Variants in LDB3 observed in about 807,000 individuals in gnomAD.
The protein encoded by LDB3 is LIM domain-binding protein 3.
A neutral mutation model predicts 69.0 loss-of-function variants in LDB3; 49 were observed. That is an observed-to-expected ratio of 0.71 (90% confidence interval 0.56 to 0.90). The LOEUF is 0.90. LDB3 is among the 40% of genes least tolerant of loss of function. The probability of loss-of-function intolerance (pLI) is 0.00; values close to 1 mark genes in which losing one functional copy is unlikely to be tolerated. For synonymous variants in LDB3, 387 were observed against 396.2 expected, an observed-to-expected ratio of 0.98 and a Z score of 0.28; for missense variants, 928 against 974.1, an observed-to-expected ratio of 0.95 and a Z score of 0.63.
intron 12 of LDB3, among the ~76,000 whole-genome samples, chr10:86,725,166 T>C (rs1423767736): frequency 6.6e-6 from 1 of 152,210 alleles, no homozygotes; most frequent in East Asian, 1.9e-4. Flanking sequence ...ATGGAGCTTT[T>C]CTAGAATAAT....
At chr10:86,706,984 A>G (rs1846469948) in intron 8 of LDB3, among the ~76,000 whole-genome samples, 1 of 152,184 alleles carries the variant, frequency 6.6e-6, no homozygotes, top group African/African-American at 2.4e-5. Context: ...TCTCTCTGAC[A>G]CATATACCAG....
intron 8 of LDB3, among the ~76,000 whole-genome samples, chr10:86,708,771 G>A (rs770871622): frequency 2.6e-5 from 4 of 152,144 alleles, no homozygotes; most frequent in African/African-American, 9.7e-5. Context: ...TTTTATCTCC[G>A]CCTTGTCTGG....
rs763970235 is a variant in LDB3, at chr10:86,680,158, G to A, written c.321+1G>A. 29 of 1,613,902 alleles carry A rather than the reference G, an allele frequency of 1.8e-5. No homozygotes were observed. The highest frequency in any genetic ancestry group is 2.3e-5 in the Non-Finnish European group (27 of 1,179,778). On this transcript the variant is annotated splice_donor_variant, in intron 4 of 13. Transcript: ENST00000361373. LOFTEE classifies it high-confidence loss of function. ...TCTGCCGGTGATCCCTCACCAGAAG[G>A]TAGGTGCTGACTGTGGCGGCGGGGT...
intron 7 of LDB3, among the ~76,000 whole-genome samples, chr10:86,703,469 C>T (rs1289931327): frequency 6.6e-6 from 1 of 152,254 alleles, no homozygotes; most frequent in Non-Finnish European, 1.5e-5. Context: ...GACCGCCTCC[C>T]TGAGCATTAA....
intron 7 of LDB3, among the ~76,000 whole-genome samples, chr10:86,693,342 T>C (rs1171105773): frequency 1.3e-5 from 2 of 152,190 alleles, no homozygotes; most frequent in Non-Finnish European, 2.9e-5. Context: ...AAATATGTCA[T>C]CTGCATGTTC....
rs1846141247 is a variant in LDB3, at chr10:86,699,164, CAG to C, written c.896+6594_896+6595del. On this transcript the variant is annotated intron_variant, in intron 7 of 13. Transcript: ENST00000361373. The surrounding 1 kb of genome is among the most constrained non-coding windows in gnomAD (Gnocchi z 4.9). ...CATGCCCTCTGCCCCACCTGTTAGA[CAG>C]GGGAATGGTGAACACATTCCCTAAC... is the stretch of plus-strand genomic sequence containing the variant. 2.4e-6 allele frequency: 3 copies of C among 1,265,436 alleles called. No individual in the cohort carries two copies. Among genetic ancestry groups the C allele is most frequent in the Non-Finnish European group, 3.4e-6 (3 of 875,138 alleles). 78.4% of individuals were successfully genotyped at this position (1,265,436 alleles called of 1,614,324 possible).
Position 86,687,082 on chromosome 10 carries a change from G to A in LDB3, c.690-4814G>A, listed in dbSNP as rs773370724. On this transcript the variant is annotated intron_variant, in intron 5 of 13. Coordinates refer to ENST00000361373, the MANE Select transcript of LDB3 (RefSeq NM_007078.3). ...CCCCTCCCCCAGCGCCGACTACCAG[G>A]AACGCTTCAACCCCAGTGCCCTGAA... 5.6e-6 allele frequency: 9 copies of A among 1,613,872 alleles called. No individual in the cohort carries two copies. The highest frequency in any genetic ancestry group is 2.2e-5 in the South Asian group (2 of 91,074).
At chr10:86,720,802 T>G (rs998023419) in intron 12 of LDB3, among the ~76,000 whole-genome samples, 8 of 152,148 alleles carry the variant, frequency 5.3e-5, no homozygotes, top group Non-Finnish European at 7.3e-5. Flanking sequence ...CCGAAAAGAT[T>G]CTCAAAAATG....
rs540450904 is a variant in LDB3, at chr10:86,672,493, T to G, written c.93+3709T>G. Among the ~76,000 whole-genome samples, 149 of 152,336 alleles carry G rather than the reference T, an allele frequency of 9.8e-4. 4 individuals are homozygous for G. The South Asian group carries it at 0.03, about 31-fold the overall frequency. On this transcript the variant is annotated intron_variant, in intron 2 of 13. Coordinates refer to ENST00000361373, the MANE Select transcript of LDB3 (RefSeq NM_007078.3). Reference sequence around the variant, plus strand: ...AGCTGTGCCGGCAATTCCTGGAATTTCGGGGCCGCTGGAGCACGCAGTGCT... The same window carrying G: ...AGCTGTGCCGGCAATTCCTGGAATTGCGGGGCCGCTGGAGCACGCAGTGCT...
intron 5 of LDB3, among the ~76,000 whole-genome samples, chr10:86,690,538 C>T (rs1036102315): frequency 6.6e-6 from 1 of 152,266 alleles, no homozygotes; most frequent in Non-Finnish European, 1.5e-5. Context: ...TCCACCCAAC[C>T]TCGATCACCT....
intron 8 of LDB3, among the ~76,000 whole-genome samples, chr10:86,708,563 C>T (rs1161666232): frequency 6.6e-6 from 1 of 152,178 alleles, no homozygotes; most frequent in Non-Finnish European, 1.5e-5. Flanking sequence ...CTATGGAAGC[C>T]TGGCACCCCT....
intron 2 of LDB3, among the ~76,000 whole-genome samples, chr10:86,674,424 G>A (rs559106136): frequency 1.3e-5 from 2 of 152,212 alleles, no homozygotes; most frequent in Admixed American, 6.5e-5. Flanking sequence ...CTCTCCCTGG[G>A]CTGCCCTTGG....
At position 86,691,920 on chromosome 10, in the gene LDB3, C is replaced by G. The variant is rs727503125; in HGVS notation, c.714C>G (p.Ala238=). Residue 238 remains alanine (A), a synonymous_variant, in exon 6 of 14, where the codon GCC becomes GCG. Coordinates refer to ENST00000361373, the MANE Select transcript of LDB3 (RefSeq NM_007078.3). ...PGGSLPIKDL[A]VDSASPVYQA... is the part of the protein sequence containing the mutation. ...GGAGCCTCCCTATTAAGGACCTTGC[C>G]GTAGACAGCGCCTCTCCCGTCTACC... The G allele has an allele frequency of 5.0e-6, 8 of 1,614,042 alleles. No individual in the cohort carries two copies. The Admixed American group carries it at 5.0e-5, about 10-fold the overall frequency.
At chr10:86,688,999 T>G (rs1845635797) in intron 5 of LDB3, among the ~76,000 whole-genome samples, 1 of 152,154 alleles carries the variant, frequency 6.6e-6, no homozygotes, top group African/African-American at 2.4e-5. Flanking sequence ...CTTCTCCTCT[T>G]CCTTTTAACG....
intron 12 of LDB3, among the ~76,000 whole-genome samples, chr10:86,719,540 T>C (rs544242050): frequency 2.0e-5 from 3 of 152,346 alleles, no homozygotes; most frequent in East Asian, 3.9e-4. Context: ...GGTTCCACTT[T>C]GGGCTGCTTT....
At position 86,699,579 on chromosome 10, in the gene LDB3, C is replaced by T. The variant is rs1175225727; in HGVS notation, c.897-6952C>T. On this transcript the variant is annotated intron_variant, in intron 7 of 13. Coordinates refer to ENST00000361373, the MANE Select transcript of LDB3 (RefSeq NM_007078.3). The surrounding 1 kb of genome is among the most constrained non-coding windows in gnomAD (Gnocchi z 4.9). ...CCAGCCCCCTGCAGCTCTGTACCCA[C>T]CAAACCTCCCCAGGGCAACCCTCGC... 7.0e-6 allele frequency: 10 copies of T among 1,429,468 alleles called. No homozygotes were observed. Among genetic ancestry groups the T allele is most frequent in the African/African-American group, 1.4e-5 (1 of 69,904 alleles). 88.5% of individuals were successfully genotyped at this position (1,429,468 alleles called of 1,614,324 possible).
At chr10:86,730,419 T>G (rs1847415508) in intron 13 of LDB3, among the ~76,000 whole-genome samples, 1 of 141,798 alleles carries the variant, frequency 7.1e-6, no homozygotes, top group Admixed American at 7.0e-5. Flanking sequence ...TGGCAGACTC[T>G]GACCTACTGG....
intron 5 of LDB3, among the ~76,000 whole-genome samples, chr10:86,686,140 A>G (rs575006604): frequency 2.0e-5 from 3 of 152,198 alleles, no homozygotes; most frequent in East Asian, 3.9e-4. Context: ...TGGGTAGAGG[A>G]TGGCCAGCTA....
intron 13 of LDB3, chr10:86,726,470 C>T: frequency 1.7e-6 from 1 of 587,622 alleles, no homozygotes; most frequent in Non-Finnish European, 3.1e-6. Flanking sequence ...TGTTACTTTC[C>T]ATTTCGTTAA....
Sources: gnomAD v4.1 joint callset for allele counts (sites outside exome capture counted in the v4.1 genomes callset) on GRCh38, gnomAD v4.1.1 for gene constraint, Gnocchi (gnomAD v3.1) non-coding constraint, MANE v1.5 for transcripts, NCBI Gene and HGNC (gene_info 2026-07-23, HGNC 2026-07-21) for gene names.